The following CDK6 variants were observed in gnomAD, a reference collection of about 807,000 sequenced individuals.
The protein encoded by CDK6 is cyclin dependent kinase 6.
A neutral mutation model predicts 37.1 loss-of-function variants in CDK6; 6 were observed. The observed-to-expected ratio is 0.16, with a 90% CI of 0.09 to 0.32. The LOEUF is 0.32. Ranked by LOEUF, CDK6 falls within the 10% of genes least tolerant of loss-of-function variation. The pLI is 1.00. For synonymous variants in CDK6, 160 were observed against 161.3 expected, an observed-to-expected ratio of 0.99 and a Z score of 0.06; for missense variants, 224 against 418.9, an observed-to-expected ratio of 0.53 and a Z score of 4.06.
chr7:92,675,519 A>G (rs1242547804), intron 4 of CDK6, among the ~76,000 whole-genome samples: 1 of 152,226 alleles, frequency 6.6e-6, no homozygotes, highest in African/African-American at 2.4e-5. Context: ...TCTATTTGCT[A>G]GTATCTATTC....
intron 2 of CDK6, among the ~76,000 whole-genome samples, chr7:92,799,907 C>A (rs745737336): frequency 2.0e-5 from 3 of 152,160 alleles, no homozygotes; most frequent in Non-Finnish European, 2.9e-5. Flanking sequence ...TGTAACTCAA[C>A]ATGTTCAAAA....
intron 3 of CDK6, among the ~76,000 whole-genome samples, chr7:92,745,849 T>G (rs1170216034): frequency 6.6e-6 from 1 of 152,154 alleles, no homozygotes; most frequent in African/African-American, 2.4e-5. Context: ...AGCAAAAGAA[T>G]GAAAATTTAA....
chr7:92,822,544 T>C (rs555226274), intron 2 of CDK6, among the ~76,000 whole-genome samples: 92 of 152,278 alleles, frequency 6.0e-4, no homozygotes, highest in African/African-American at 2.0e-3. Flanking sequence ...ATTTACTCAA[T>C]TGATATTTAC....
chr7:92,681,361 A>G (rs1258261318), intron 4 of CDK6, among the ~76,000 whole-genome samples: 1 of 152,202 alleles, frequency 6.6e-6, no homozygotes, highest in East Asian at 1.9e-4. Flanking sequence ...AGGGATGAAA[A>G]TGACTCACTG....
At chr7:92,735,431 A>G (rs1585441414) in intron 3 of CDK6, among the ~76,000 whole-genome samples, 1 of 152,268 alleles carries the variant, frequency 6.6e-6, no homozygotes, top group Middle Eastern at 3.4e-3. Context: ...CTCCTCTAGT[A>G]GTCCCCAGTG....
chr7:92,646,625 C>T (rs530036396), intron 5 of CDK6, among the ~76,000 whole-genome samples: 21 of 151,718 alleles, frequency 1.4e-4, no homozygotes, highest in African/African-American at 5.1e-4. Flanking sequence ...CTTAAACTCC[C>T]AATTTCAGGT....
Position 92,605,823 on chromosome 7 carries a change from G to A in CDK6, c.*9317C>T, listed in dbSNP as rs999762280. ...ATAGGTAGGAAGGTTCTTGCTTTCAGAGAGCTGTGCTGCACCCACAGGGTG... is the reference window on the plus strand; with the variant it reads ...ATAGGTAGGAAGGTTCTTGCTTTCAAAGAGCTGTGCTGCACCCACAGGGTG... On this transcript the variant is annotated 3_prime_UTR_variant, in exon 8 of 8. Transcript: ENST00000424848. 3.0e-5 allele frequency: 7 copies of A among 233,312 alleles called. No homozygotes were observed. 14.5% of individuals were successfully genotyped at this position (233,312 alleles called of 1,614,324 possible).
At chr7:92,687,451 A>T (rs953774188) in intron 4 of CDK6, among the ~76,000 whole-genome samples, 1 of 152,232 alleles carries the variant, frequency 6.6e-6, no homozygotes, top group Non-Finnish European at 1.5e-5. Flanking sequence ...CCAAACTCCA[A>T]AAAATGAACT....
chr7:92,648,414 G>T (rs1240926052), intron 5 of CDK6, among the ~76,000 whole-genome samples: 1 of 152,194 alleles, frequency 6.6e-6, no homozygotes, highest in Non-Finnish European at 1.5e-5. Flanking sequence ...GACCAAAGGG[G>T]TAGAGGATAA....
At chr7:92,793,322 C>T (rs1318690792) in intron 2 of CDK6, among the ~76,000 whole-genome samples, 3 of 152,062 alleles carry the variant, frequency 2.0e-5, no homozygotes, top group Admixed American at 1.3e-4. Context: ...AAACAATGTT[C>T]GAAGACTCGC....
intron 5 of CDK6, among the ~76,000 whole-genome samples, chr7:92,643,794 C>G (rs1307653600): frequency 6.6e-6 from 1 of 152,202 alleles, no homozygotes; most frequent in Non-Finnish European, 1.5e-5. Context: ...AAATGGGACA[C>G]TTACTATTCA....
chr7:92,743,284 G>A (rs1164899241), intron 3 of CDK6, among the ~76,000 whole-genome samples: 2 of 151,910 alleles, frequency 1.3e-5, no homozygotes, highest in Non-Finnish European at 2.9e-5. Flanking sequence ...GCTGAGGCAG[G>A]AGAATCGCTT....
intron 4 of CDK6, among the ~76,000 whole-genome samples, chr7:92,688,628 C>T (rs1453359376): frequency 6.7e-6 from 1 of 149,454 alleles, no homozygotes; most frequent in Admixed American, 6.7e-5. Flanking sequence ...CACACACACA[C>T]ACACAGAGTT....
At position 92,684,155 on chromosome 7, in the gene CDK6, A is replaced by G. The variant is rs140677041; in HGVS notation, c.538-12620T>C. Among the ~76,000 whole-genome samples, 4 of 152,330 alleles carry G rather than the reference A, an allele frequency of 2.6e-5. No homozygotes were observed. In the East Asian group the frequency reaches 7.7e-4, roughly 29 times the overall value. On this transcript the variant is annotated intron_variant, in intron 4 of 7. Transcript: ENST00000424848. ...ATCAACGACTCTATTTTTACAGATA[A>G]GGAAGCTGAGAATCACAGAAGAGCC...
chr7:92,674,191 T>A (rs371409000), intron 4 of CDK6, among the ~76,000 whole-genome samples: 69 of 152,168 alleles, frequency 4.5e-4, no homozygotes, highest in African/African-American at 1.5e-3. Flanking sequence ...TCCATGCTTT[T>A]GTTTATATCA....
intron 3 of CDK6, among the ~76,000 whole-genome samples, chr7:92,764,675 G>A (rs1359178785): frequency 6.6e-6 from 1 of 152,180 alleles, no homozygotes; most frequent in Non-Finnish European, 1.5e-5. Flanking sequence ...ACATACTGAA[G>A]ACACCAGATT....
intron 3 of CDK6, 138 bp downstream of exon 3, chr7:92,774,558 C>T (rs928999065): frequency 3.6e-5 from 25 of 687,186 alleles, no homozygotes; most frequent in Admixed American, 1.4e-4. Flanking sequence ...AATCTTTGAA[C>T]ATTTTCTTTG....
intron 2 of CDK6, among the ~76,000 whole-genome samples, chr7:92,830,609 G>A (rs1045948408): frequency 6.6e-6 from 1 of 152,194 alleles, no homozygotes; most frequent in Non-Finnish European, 1.5e-5. Flanking sequence ...GACCCTGTCT[G>A]AGCAAATATT....
At chr7:92,643,636 TC>T (rs1261755416) in intron 5 of CDK6, among the ~76,000 whole-genome samples, 1 of 152,214 alleles carries the variant, frequency 6.6e-6, no homozygotes, top group Non-Finnish European at 1.5e-5. Flanking sequence ...TTTCTTTTCA[TC>T]TTTGGTTGTA....
Sources: gnomAD v4.1 joint callset for allele counts (sites outside exome capture counted in the v4.1 genomes callset) on GRCh38, gnomAD v4.1.1 for gene constraint, MANE v1.5 for transcripts, NCBI Gene and HGNC (gene_info 2026-07-23, HGNC 2026-07-21) for gene names.